The following PDE11A variants were observed in gnomAD, a reference collection of about 807,000 sequenced individuals.
PDE11A encodes the protein dual 3',5'-cyclic-AMP and -GMP phosphodiesterase 11A.
PDE11A carries 100 observed loss-of-function variants against 100.5 expected under a neutral mutation model. The observed-to-expected ratio is 1.00, with a 90% CI of 0.85 to 1.18. PDE11A has a LOEUF of 1.18. Ranked by LOEUF, PDE11A falls within the 50% of genes most tolerant of loss-of-function variation. The pLI, the probability that PDE11A is intolerant of heterozygous loss-of-function variation, is 0.00. For missense variants in PDE11A, 1,141 were observed against 1,152.6 expected, an observed-to-expected ratio of 0.99 and a Z score of 0.15; for synonymous variants, 381 against 420.8, an observed-to-expected ratio of 0.91 and a Z score of 1.16.
intron 1 of PDE11A, among the ~76,000 whole-genome samples, chr2:178,053,713 C>G (rs1444715634): frequency 6.6e-6 from 1 of 152,086 alleles, no homozygotes; most frequent in East Asian, 1.9e-4. Context: ...TCCTATATAC[C>G]AACAATAGAT....
rs1243705664 is a variant in PDE11A, at chr2:178,072,301, T to C, written c.137A>G (p.Gln46Arg). The C allele has an allele frequency of 6.2e-7, 1 of 1,614,068 alleles. No homozygotes were observed. Among genetic ancestry groups the C allele is most frequent in the Admixed American group, 1.7e-5 (1 of 60,012 alleles). Residue 46 changes from glutamine to arginine, a missense_variant, in exon 1 of 20, where the codon CAG (glutamine) becomes CGG (arginine). Physicochemically the swap from Gln to Arg is conservative, Grantham distance 43 (BLOSUM62 1). Coordinates refer to ENST00000286063, the MANE Select transcript of PDE11A (RefSeq NM_016953.4). ...AGAGGGCCTTGGACCTAAAGCCCCC[T>C]GACCCTGACTGTGCCTCTGCAGCCA... is the stretch of plus-strand genomic sequence containing the variant. Reference protein sequence around the residue: ...EKWLQRHSQGQGALGPRPSLA... With the variant: ...EKWLQRHSQGRGALGPRPSLA...
At chr2:178,061,690 A>G (rs2086971447) in intron 1 of PDE11A, among the ~76,000 whole-genome samples, 1 of 152,162 alleles carries the variant, frequency 6.6e-6, no homozygotes, top group African/African-American at 2.4e-5. Context: ...ATACCTTCAT[A>G]TCTTTCTATA....
At chr2:178,029,713 A>G (rs1206397289) in intron 1 of PDE11A, among the ~76,000 whole-genome samples, 3 of 152,210 alleles carry the variant, frequency 2.0e-5, no homozygotes, top group African/African-American at 4.8e-5. Flanking sequence ...ACAATTCAAT[A>G]TATATTGAAG....
chr2:177,743,685 A>G (rs2081907771), intron 10 of PDE11A, among the ~76,000 whole-genome samples: 1 of 152,206 alleles, frequency 6.6e-6, no homozygotes, highest in Admixed American at 6.5e-5. Flanking sequence ...ACACCCTTAT[A>G]AGGCTTAGAG....
chr2:177,854,213 T>C (rs1430527282), intron 5 of PDE11A, among the ~76,000 whole-genome samples: 1 of 152,038 alleles, frequency 6.6e-6, no homozygotes, highest in African/African-American at 2.4e-5. Context: ...AACATTTTTA[T>C]AGCTTTCATT....
intron 2 of PDE11A, among the ~76,000 whole-genome samples, chr2:178,100,269 C>A (rs2087546368): frequency 1.3e-5 from 2 of 152,062 alleles, no homozygotes; most frequent in Admixed American, 6.6e-5. Flanking sequence ...ATTTTTAAAA[C>A]CACATAAGAT....
At chr2:177,825,312 A>T (rs2083211349) in intron 6 of PDE11A, among the ~76,000 whole-genome samples, 1 of 152,182 alleles carries the variant, frequency 6.6e-6, no homozygotes, top group South Asian at 2.1e-4. Context: ...GGTGTCTTTA[A>T]AGTGTTTCCA....
chr2:177,965,154 G>A (rs544031355), intron 2 of PDE11A, among the ~76,000 whole-genome samples: 6 of 152,234 alleles, frequency 3.9e-5, no homozygotes, highest in African/African-American at 9.6e-5. Context: ...CTTGCTGGCC[G>A]TATGTATGTC....
In PDE11A at chr2:177,689,151, C is replaced by T. The variant is rs377527733; in HGVS notation, c.2345+8181G>A. On this transcript the variant is annotated intron_variant, in intron 15 of 19. Coordinates refer to ENST00000286063, the MANE Select transcript of PDE11A (RefSeq NM_016953.4). ...AGGCTGGAGTGCAATGGCGTGATCT[C>T]GGCTCACCGCAACCTCCTCCTCTCG... Among the ~76,000 whole-genome samples the T allele has an allele frequency of 3.3e-5, 5 of 152,136 alleles. No homozygotes were observed. In the South Asian group the frequency reaches 8.3e-4, roughly 25 times the overall value.
chr2:178,001,918 T>C (rs1193004994), intron 2 of PDE11A, among the ~76,000 whole-genome samples: 1 of 152,226 alleles, frequency 6.6e-6, no homozygotes, highest in Non-Finnish European at 1.5e-5. Context: ...TTTTTTATAA[T>C]TTCTACTTTT....
chr2:177,912,813 C>A (rs968965971), intron 2 of PDE11A, among the ~76,000 whole-genome samples: 1 of 152,182 alleles, frequency 6.6e-6, no homozygotes, highest in African/African-American at 2.4e-5. Flanking sequence ...TAATCCTATA[C>A]ATAATATTTT....
intron 19 of PDE11A, among the ~76,000 whole-genome samples, chr2:177,660,503 C>T (rs2080470450): frequency 6.6e-6 from 1 of 152,128 alleles, no homozygotes; most frequent in African/African-American, 2.4e-5. Context: ...CTGTCTGTCG[C>T]TTTCTGTCAA....
chr2:178,069,423 C>G (rs1370744422), intron 1 of PDE11A, among the ~76,000 whole-genome samples: 1 of 151,936 alleles, frequency 6.6e-6, no homozygotes, highest in Non-Finnish European at 1.5e-5. Flanking sequence ...ATAAAAGAAG[C>G]CAATGGAAAA....
intron 19 of PDE11A, 48 bp from the exon 20 acceptor site, chr2:177,629,610 G>GT: frequency 6.3e-7 from 1 of 1,589,010 alleles, no homozygotes; most frequent in Non-Finnish European, 8.6e-7. Flanking sequence ...AGGAAACAGA[G>GT]TAACTGACAT....
intron 5 of PDE11A, among the ~76,000 whole-genome samples, chr2:177,864,358 A>G (rs1186923581): frequency 2.6e-5 from 4 of 152,186 alleles, no homozygotes; most frequent in Non-Finnish European, 5.9e-5. Context: ...TGCTCTTGCA[A>G]CAAAAACAAA....
intron 1 of PDE11A, among the ~76,000 whole-genome samples, chr2:178,039,471 C>A (rs1208708630): frequency 6.6e-6 from 1 of 151,946 alleles, no homozygotes; most frequent in Non-Finnish European, 1.5e-5. Flanking sequence ...ACACAGCAAA[C>A]CCCCATGACA....
rs2083861912 is a variant in PDE11A at position 177,857,499 on chromosome 2, T to G, written c.1368-17116A>C. Among the ~76,000 whole-genome samples, 5 of 152,180 alleles carry G rather than the reference T, an allele frequency of 3.3e-5. No individual in the cohort carries two copies. The South Asian group carries it at 1.0e-3, about 32-fold the overall frequency. The stretch of plus-strand genomic sequence containing the variant: ...TAAAACTGCATTGATAGGCTTATCG[T>G]ATGAAAAGATGTAATTAGTAGGACA... On this transcript the variant is annotated intron_variant, in intron 5 of 19. Transcript: ENST00000286063.
intron 10 of PDE11A, among the ~76,000 whole-genome samples, chr2:177,732,343 A>C (rs2081703876): frequency 6.6e-6 from 1 of 152,348 alleles, no homozygotes; most frequent in Middle Eastern, 3.4e-3. Context: ...GCTTGTGGTA[A>C]TTTGTTCCAA....
At chr2:177,891,672 G>A (rs1168698822) in intron 4 of PDE11A, among the ~76,000 whole-genome samples, 4 of 152,192 alleles carry the variant, frequency 2.6e-5, no homozygotes, top group African/African-American at 9.6e-5. Flanking sequence ...GGATTATCTA[G>A]AACAGTGGTC....
Sources: allele counts gnomAD v4.1 joint callset (sites outside exome capture counted in the v4.1 genomes callset), GRCh38; gene constraint gnomAD v4.1.1; transcripts MANE v1.5; gene names NCBI Gene and HGNC (gene_info 2026-07-23, HGNC 2026-07-21).